Variants in LMCD1 observed in about 807,000 individuals in gnomAD.
LMCD1 encodes the protein LIM and cysteine-rich domains protein 1.
A neutral mutation model predicts 42.7 loss-of-function variants in LMCD1; 32 were observed. That is an observed-to-expected ratio of 0.75 (90% CI 0.57 to 1.01). The LOEUF is 1.01. Ranked by LOEUF, LMCD1 falls within the 50% of genes least tolerant of loss-of-function variation. The pLI is 0.00. For missense variants in LMCD1, 458 were observed against 483.1 expected (o/e 0.95, Z 0.49); for synonymous variants, 178 against 184.9 (o/e 0.96, Z 0.30).
chr3:8,503,464 A>G (rs1693808969), intron 1 of LMCD1, among the ~76,000 whole-genome samples: 1 of 152,254 alleles, frequency 6.6e-6, no homozygotes, highest in Admixed American at 6.5e-5. Context: ...TACAGAAATT[A>G]CCATAACATT....
intron 1 of LMCD1, among the ~76,000 whole-genome samples, chr3:8,516,585 C>T (rs982649300): frequency 1.1e-4 from 17 of 151,964 alleles, no homozygotes; most frequent in African/African-American, 3.9e-4. Context: ...AGAGTTGGCA[C>T]TCCTTTAAAA....
At chr3:8,504,699 C>T (rs1389428489) in intron 1 of LMCD1, among the ~76,000 whole-genome samples, 1 of 152,188 alleles carries the variant, frequency 6.6e-6, no homozygotes, top group Non-Finnish European at 1.5e-5. Flanking sequence ...ATGCTTCCAC[C>T]GGCTGCTCTT....
chr3:8,548,271 C>T (rs67845286), intron 3 of LMCD1, among the ~76,000 whole-genome samples: 17,141 of 152,100 alleles, frequency 0.11, 1,132 homozygotes, highest in South Asian at 0.22. Context: ...GATTGAGACA[C>T]AGAACACTCC....
intron 1 of LMCD1, among the ~76,000 whole-genome samples, chr3:8,527,017 G>A (rs1694314532): frequency 6.6e-6 from 1 of 152,154 alleles, no homozygotes; most frequent in African/African-American, 2.4e-5. Context: ...TGGAAATAGA[G>A]ACAAATTTGG....
At chr3:8,503,318 C>A (rs1559342584) in intron 1 of LMCD1, among the ~76,000 whole-genome samples, 1 of 152,202 alleles carries the variant, frequency 6.6e-6, no homozygotes, top group Non-Finnish European at 1.5e-5. Flanking sequence ...ACCACCTGCC[C>A]AGACCCTGTC....
chr3:8,515,674 C>T (rs916489546), intron 1 of LMCD1, among the ~76,000 whole-genome samples: 14 of 151,996 alleles, frequency 9.2e-5, no homozygotes, highest in African/African-American at 3.1e-4. Context: ...GGGATGGAAT[C>T]GGGAAATAGG....
chr3:8,551,207 G>A (rs1287665392), intron 4 of LMCD1: 2 of 984,714 alleles, frequency 2.0e-6, no homozygotes, highest in Admixed American at 6.1e-5. Context: ...TAGATGCTGA[G>A]GTCTTGTTCA....
At chr3:8,506,378 A>G (rs1693881845) in intron 1 of LMCD1, among the ~76,000 whole-genome samples, 1 of 152,212 alleles carries the variant, frequency 6.6e-6, no homozygotes, top group Admixed American at 6.5e-5. Context: ...ACCAAAGGTG[A>G]CAAGGATGAA....
chr3:8,510,731 T>A (rs1230348779), intron 1 of LMCD1, among the ~76,000 whole-genome samples: 1 of 152,212 alleles, frequency 6.6e-6, no homozygotes, highest in Non-Finnish European at 1.5e-5. Context: ...ATTCATTAAC[T>A]TAGTAAAGGC....
intron 3 of LMCD1, among the ~76,000 whole-genome samples, chr3:8,546,794 T>C (rs1392622244): frequency 1.3e-5 from 2 of 152,132 alleles, no homozygotes. Flanking sequence ...AGCCTATCAA[T>C]TGTGGGGCCA....
At chr3:8,504,223 C>A (rs1357088506) in intron 1 of LMCD1, among the ~76,000 whole-genome samples, 1 of 152,158 alleles carries the variant, frequency 6.6e-6, no homozygotes, top group Non-Finnish European at 1.5e-5. Flanking sequence ...CCGAGAAGCT[C>A]CCCTTGCTGA....
rs3836468 is a variant in LMCD1 at position 8,503,999 on chromosome 3, CCTT to C, written c.42+2023_42+2025del. On this transcript the variant is annotated intron_variant, in intron 1 of 5. Coordinates refer to ENST00000157600, the MANE Select transcript of LMCD1 (RefSeq NM_014583.4). ...CCTGATTAGAGGTGGAACATGTTCT[CCTT>C]CTTGTCACCCCCTAGTGCCAACTTC... 4.6e-5 allele frequency among the ~76,000 whole-genome samples: 7 copies of C among 152,282 alleles called. No individual in the cohort carries two copies. In the East Asian group the frequency reaches 1.4e-3, roughly 29 times the overall value.
chr3:8,507,282 A>C (rs1245296718), intron 1 of LMCD1, among the ~76,000 whole-genome samples: 1 of 152,208 alleles, frequency 6.6e-6, no homozygotes, highest in Non-Finnish European at 1.5e-5. Context: ...GTTACATATG[A>C]AGTTGAGTCT....
rs1285561368 is a variant in LMCD1 at position 8,567,608 on chromosome 3, C to T, written c.*10C>T. On this transcript the variant is annotated 3_prime_UTR_variant, in exon 6 of 6. Coordinates refer to ENST00000157600, the MANE Select transcript of LMCD1 (RefSeq NM_014583.4). ...GTCCAAACGCTCCTGAAGGGCTGCC[C>T]ACCCACAGCCAGAATCCACAGGATC... 5 of 1,608,990 alleles carry T rather than the reference C, an allele frequency of 3.1e-6. No homozygotes were observed. In the African/African-American group the frequency reaches 6.7e-5, roughly 22 times the overall value.
Position 8,572,522 on chromosome 3 carries a change from G to A in LMCD1, c.*4924G>A, listed in dbSNP as rs1695235996. ...TACTGATCGAACTAATTATTATTATGATAGTTGCCAAATGTTGGTTTTTCT... is the reference window on the plus strand; with the variant it reads ...TACTGATCGAACTAATTATTATTATAATAGTTGCCAAATGTTGGTTTTTCT... On this transcript the variant is annotated 3_prime_UTR_variant, in exon 6 of 6. Coordinates refer to ENST00000157600, the MANE Select transcript of LMCD1 (RefSeq NM_014583.4). 1 of 152,234 alleles carries A rather than the reference G, an allele frequency of 6.6e-6. No homozygotes were observed. The highest frequency in any genetic ancestry group is 3.4e-3 in the Middle Eastern group (1 of 294). 9.4% of individuals were successfully genotyped at this position (152,234 alleles called of 1,614,324 possible). A position where few individuals can be genotyped will look rare whatever the true frequency, so the allele number is the denominator to read the frequency against.
chr3:8,502,323 A>T lies in LMCD1; in HGVS notation c.42+343A>T, dbSNP rs868115614. 5.9e-3 allele frequency among the ~76,000 whole-genome samples: 390 copies of T among 66,034 alleles called. 29 individuals carry two copies. The highest frequency in any genetic ancestry group is 0.029 in the African/African-American group (375 of 13,066). The allele number at this position is 66,034 out of a possible 152,430, so 43.3% of individuals were successfully genotyped here. On this transcript the variant is annotated intron_variant, in intron 1 of 5. Coordinates refer to ENST00000157600, the MANE Select transcript of LMCD1 (RefSeq NM_014583.4). ...ATATATAATATATAAAATATATATT[A>T]TATATAATATATATTATATATAAAA...
chr3:8,564,745 T>G (rs113032007), intron 4 of LMCD1, among the ~76,000 whole-genome samples: 1,756 of 152,316 alleles, frequency 0.012, 30 homozygotes, highest in African/African-American at 0.04. Flanking sequence ...TGTCAAATTT[T>G]ACTGTAGTAT....
chr3:8,501,914 C>G lies in LMCD1; in HGVS notation c.-25C>G, dbSNP rs200181164. The G allele has an allele frequency of 2.2e-3, 3,470 of 1,582,808 alleles. 5 individuals carry two copies. Among genetic ancestry groups the G allele is most frequent in the Non-Finnish European group, 2.9e-3 (3,346 of 1,166,110 alleles). On this transcript the variant is annotated 5_prime_UTR_variant, in exon 1 of 6. Coordinates refer to ENST00000157600, the MANE Select transcript of LMCD1 (RefSeq NM_014583.4). ...TCGCGCCTCTGCCTGAGAAGCCAGG[C>G]GCTGTTCCCCCACCCCAGAAGAGGA...
At position 8,537,177 on chromosome 3, in the gene LMCD1, A is replaced by C. The variant is rs1190005154; in HGVS notation, c.132-8A>C. The C allele has an allele frequency of 6.2e-7, 1 of 1,612,292 alleles. No homozygotes were observed. The highest frequency in any genetic ancestry group is 1.7e-5 in the Admixed American group (1 of 59,936). On this transcript the variant is annotated splice_region_variant and splice_polypyrimidine_tract_variant and intron_variant, in intron 2 of 5. Transcript: ENST00000157600. ...TAATCTCACTGGTCCCCATCCACCC[A>C]CCCCCAGGAAAATATGCAAGTCTTG...
Sources: gnomAD v4.1 joint callset for allele counts (sites outside exome capture counted in the v4.1 genomes callset) on GRCh38, gnomAD v4.1.1 for gene constraint, MANE v1.5 for transcripts, NCBI Gene and HGNC (gene_info 2026-07-23, HGNC 2026-07-21) for gene names.